The following UBR3 variants were observed in gnomAD, a reference collection of about 807,000 sequenced individuals.
UBR3 encodes ubiquitin protein ligase E3 component n-recognin 3, also known as E3 ubiquitin-protein ligase UBR3.
A neutral mutation model predicts 243.2 loss-of-function variants in UBR3; 85 were observed. That is an observed-to-expected ratio of 0.35 (90% CI 0.29 to 0.42). The LOEUF (loss-of-function observed/expected upper bound fraction) is 0.42, where lower values mean the gene tolerates loss of function less well. Among genes scored for constraint, UBR3 ranks in the 10% least tolerant of loss-of-function variants. The pLI, the probability that UBR3 is intolerant of heterozygous loss-of-function variation, is 1.00. For synonymous variants in UBR3, 748 were observed against 799.8 expected (o/e 0.94, Z 1.09); for missense variants, 1,686 against 2,300.8 (o/e 0.73, Z 5.47).
At chr2:169,857,595 T>A (rs113597364) in intron 1 of UBR3, among the ~76,000 whole-genome samples, 6,612 of 151,700 alleles carry the variant, frequency 0.044, 170 homozygotes, top group Middle Eastern at 0.068. Context: ...GTTTTTTTTT[T>A]TTTTTATTTT....
rs1363511176 is a variant in UBR3, at chr2:169,827,481, G to T, written c.-27G>T. The T allele has an allele frequency of 3.3e-5, 41 of 1,223,884 alleles. No individual in the cohort carries two copies. The highest frequency in any genetic ancestry group is 4.2e-5 in the Non-Finnish European group (41 of 983,142). The allele number at this position is 1,223,884 out of a possible 1,614,324, so 75.8% of individuals were successfully genotyped here. ...TCTCCCTGGAGGAGCCGCTGGCCCT[G>T]GACTCTCCAAATTCTGAGCTCTCAT... On this transcript the variant is annotated 5_prime_UTR_variant, in exon 1 of 39. Coordinates refer to ENST00000272793, the MANE Select transcript of UBR3 (RefSeq NM_172070.4).
chr2:169,962,404 G>A (rs2087620601), intron 24 of UBR3, among the ~76,000 whole-genome samples: 1 of 152,066 alleles, frequency 6.6e-6, no homozygotes, highest in African/African-American at 2.4e-5. Flanking sequence ...CTGCAGGTTT[G>A]ACAGCAATTT....
intron 10 of UBR3, among the ~76,000 whole-genome samples, chr2:169,907,036 CTTT>C (rs36078695): frequency 8.9e-6 from 1 of 112,358 alleles, no homozygotes; most frequent in South Asian, 3.1e-4. Context: ...AAATTTCTTT[CTTT>C]TTTTTTTTTT....
intron 24 of UBR3, among the ~76,000 whole-genome samples, chr2:169,981,856 TAAA>T (rs1156916073): frequency 6.6e-6 from 1 of 151,898 alleles, no homozygotes; most frequent in Non-Finnish European, 1.5e-5. Context: ...ATACACCAAC[TAAA>T]AAAAGAGGAA....
chr2:169,916,422 T>G (rs1182668401), intron 11 of UBR3, among the ~76,000 whole-genome samples: 1 of 152,090 alleles, frequency 6.6e-6, no homozygotes, highest in Non-Finnish European at 1.5e-5. Flanking sequence ...TTTTCTCTGC[T>G]TTGACTCTGA....
chr2:169,895,182 T>C lies in UBR3; in HGVS notation c.1107T>C (p.Asp369=). The C allele has an allele frequency of 6.6e-7, 1 of 1,513,984 alleles. No homozygotes were observed. 93.8% of individuals were successfully genotyped at this position (1,513,984 alleles called of 1,614,324 possible). A position where few individuals can be genotyped will look rare whatever the true frequency, so the allele number is the denominator to read the frequency against. Residue 369 remains aspartate, a splice_region_variant and synonymous_variant, in exon 7 of 39, where the codon GAT becomes GAC. Coordinates refer to ENST00000272793, the MANE Select transcript of UBR3 (RefSeq NM_172070.4). ...KRVKLSSGTK[D]QSIMDVLKHK... is the part of the protein sequence containing the mutation. ...ATAAATTTCATTTTTCATGTGCAGA[T>C]CAATCCATAATGGATGTTTTGAAGC... is the stretch of plus-strand genomic sequence containing the variant.
At chr2:169,887,753 A>T (rs765016929) in intron 5 of UBR3, among the ~76,000 whole-genome samples, 91 of 151,802 alleles carry the variant, frequency 6.0e-4, no homozygotes, top group Admixed American at 7.2e-4. Context: ...GACATTCTTT[A>T]TTTTTAAATT....
intron 24 of UBR3, among the ~76,000 whole-genome samples, chr2:169,982,786 G>A (rs1224638316): frequency 1.3e-5 from 2 of 151,818 alleles, no homozygotes; most frequent in African/African-American, 4.8e-5. Flanking sequence ...AGCAATTGTT[G>A]TGTAACTAGC....
chr2:170,003,643 T>C (rs1179448620), intron 27 of UBR3, among the ~76,000 whole-genome samples: 1 of 145,596 alleles, frequency 6.9e-6, no homozygotes, highest in East Asian at 2.0e-4. Context: ...ACACAGAGTC[T>C]TTTTTTTTTC....
intron 1 of UBR3, among the ~76,000 whole-genome samples, chr2:169,837,261 G>C (rs548882507): frequency 1.3e-5 from 2 of 152,358 alleles, no homozygotes; most frequent in East Asian, 3.9e-4. Context: ...TGAATCACCT[G>C]AGGTCGGGAG....
At chr2:169,901,298 A>C (rs905274707) in intron 8 of UBR3, among the ~76,000 whole-genome samples, 1 of 152,332 alleles carries the variant, frequency 6.6e-6, no homozygotes, top group African/African-American at 2.4e-5. Flanking sequence ...AAGATTGGTA[A>C]GATCTTTAAA....
In UBR3 at chr2:169,829,674, G is replaced by T. The variant is rs199629514; in HGVS notation, c.545+1622G>T. 2.6e-5 allele frequency among the ~76,000 whole-genome samples: 4 copies of T among 152,140 alleles called. No individual in the cohort carries two copies. The East Asian group carries it at 7.7e-4, about 29-fold the overall frequency. On this transcript the variant is annotated intron_variant, in intron 1 of 38. Transcript: ENST00000272793. The stretch of plus-strand genomic sequence containing the variant: ...TCCCGACCTCAGGTGATCCGCCCGC[G>T]TCGGCCTCCCAAGTGCTGGGATTAC...
rs1220208346 is a variant in UBR3 at position 169,896,651 on chromosome 2, A to G, written c.1381A>G (p.Thr461Ala). 1 of 1,551,352 alleles carries G rather than the reference A, an allele frequency of 6.4e-7. No homozygotes were observed. The highest frequency in any genetic ancestry group is 8.7e-7 in the Non-Finnish European group (1 of 1,146,802). ...CAATGAGGAGCTAGCCAGACAGGTAACAGAAGAATGTCAGCTGCTGGATAT... is the reference window on the plus strand; with the variant it reads ...CAATGAGGAGCTAGCCAGACAGGTAGCAGAAGAATGTCAGCTGCTGGATAT... ...FSNEELARQV[T>A]EECQLLDIMV... The change falls in exon 8 of 39, where the codon ACA becomes GCA. Residue 461 changes from threonine to alanine, a missense_variant. Transcript: ENST00000272793.
chr2:169,951,890 G>C (rs1275452922), intron 23 of UBR3, among the ~76,000 whole-genome samples: 2 of 152,152 alleles, frequency 1.3e-5, no homozygotes, highest in Non-Finnish European at 2.9e-5. Flanking sequence ...CTTGAATGGT[G>C]CCCTGATTTC....
intron 1 of UBR3, among the ~76,000 whole-genome samples, chr2:169,853,788 T>G (rs771806184): frequency 6.0e-5 from 9 of 150,846 alleles, no homozygotes; most frequent in African/African-American, 2.2e-4. Context: ...TTTTTTTTTG[T>G]TTTGTTTTTT....
chr2:169,896,734 A>C lies in UBR3; in HGVS notation c.1464A>C (p.Gln488His). Residue 488 changes from glutamine (Q) to histidine (H), a missense_variant and splice_region_variant, in exon 8 of 39, where the codon CAA becomes CAC. Gln to His is a conservative substitution (Grantham distance 24). Around this residue, in one of 8 missense-constraint regions of UBR3, gnomAD observed 346 missense variants for 585.8 expected, o/e 0.59. Coordinates refer to ENST00000272793, the MANE Select transcript of UBR3 (RefSeq NM_172070.4). Reference sequence around the variant, plus strand: ...GTTGCCTTATTAAAAGTGAGCTACAAGGTAACTCAGAATTATATTCACTAG... The same window carrying C: ...GTTGCCTTATTAAAAGTGAGCTACACGGTAACTCAGAATTATATTCACTAG... ...MESCLIKSEL[Q>H]DEENSLHVVV... The C allele has an allele frequency of 6.5e-7, 1 of 1,544,454 alleles. No individual in the cohort carries two copies. Among genetic ancestry groups the C allele is most frequent in the Non-Finnish European group, 8.8e-7 (1 of 1,142,066 alleles).
At chr2:169,972,013 C>T (rs1373127384) in intron 24 of UBR3, among the ~76,000 whole-genome samples, 2 of 151,904 alleles carry the variant, frequency 1.3e-5, no homozygotes, top group Non-Finnish European at 1.5e-5. Context: ...ATTGATAGAC[C>T]ACTAGCAAGA....
intron 31 of UBR3, among the ~76,000 whole-genome samples, chr2:170,031,363 CAA>C (rs1162586602): frequency 1.3e-5 from 2 of 151,978 alleles, no homozygotes; most frequent in Admixed American, 6.6e-5. Context: ...ATTTTTTTGT[CAA>C]AGTTTTTTTA....
chr2:169,833,632 A>C (rs1361489969), intron 1 of UBR3, among the ~76,000 whole-genome samples: 1 of 152,222 alleles, frequency 6.6e-6, no homozygotes, highest in Non-Finnish European at 1.5e-5. Flanking sequence ...TTTCAGAAGT[A>C]ATACACATTG....
Sources: allele counts gnomAD v4.1 joint callset (sites outside exome capture counted in the v4.1 genomes callset), GRCh38; gene constraint gnomAD v4.1.1; regional missense constraint gnomAD v4.1.1; transcripts MANE v1.5; gene names NCBI Gene and HGNC (gene_info 2026-07-23, HGNC 2026-07-21).